UGT1A8: variants seen among roughly 807,000 people sequenced by gnomAD.
UGT1A8 encodes UDP-glucuronosyltransferase 1A8.
A neutral mutation model predicts 45.3 loss-of-function variants in UGT1A8; 39 were observed. That is an observed-to-expected ratio of 0.86 (90% CI 0.67 to 1.12). UGT1A8 has a LOEUF of 1.12. UGT1A8 is among the 50% of genes most tolerant of loss of function. The pLI is 0.00. For missense variants in UGT1A8, 719 were observed against 664.9 expected, an observed-to-expected ratio of 1.08 and a Z score of -0.90; for synonymous variants, 275 against 249.2, an observed-to-expected ratio of 1.10 and a Z score of -0.97.
At chr2:233,691,738 A>C in intron 1 of UGT1A8, 2 of 700,940 alleles carry the variant, frequency 2.9e-6, no homozygotes, top group Non-Finnish European at 3.5e-6. Context: ...CCAGAAGCAG[A>C]TACCAGGCTT....
intron 1 of UGT1A8, among the ~76,000 whole-genome samples, chr2:233,734,879 CAGTT>C (rs1435181219): frequency 6.6e-6 from 1 of 152,150 alleles, no homozygotes; most frequent in Non-Finnish European, 1.5e-5. Flanking sequence ...GTCTGAGAGA[CAGTT>C]TGTTGTGATT....
Position 233,671,106 on chromosome 2 carries a change from G to A in UGT1A8, c.855+52544G>A, listed in dbSNP as rs1235781597. ...AGTTGACATCACCTCTGACCTCAAG[G>A]AGTGCTCAGCAGACTGAGAGAGACA... On this transcript the variant is annotated intron_variant, in intron 1 of 4. Coordinates refer to ENST00000373450, the MANE Select transcript of UGT1A8 (RefSeq NM_019076.5). Among the ~76,000 whole-genome samples the A allele has an allele frequency of 3.3e-5, 5 of 152,186 alleles. No homozygotes were observed. In the East Asian group the frequency reaches 9.6e-4, roughly 29 times the overall value.
At chr2:233,739,813 T>G (rs1439144869) in intron 1 of UGT1A8, among the ~76,000 whole-genome samples, 1 of 151,900 alleles carries the variant, frequency 6.6e-6, no homozygotes, top group Non-Finnish European at 1.5e-5. Context: ...GCATGATTGG[T>G]TTTTAAATGT....
rs763446839 is a variant in UGT1A8 at position 233,618,319 on chromosome 2, G to A, written c.612G>A (p.Lys204=). 6.2e-7 allele frequency: 1 copy of A among 1,613,912 alleles called. No homozygotes were observed. The highest frequency in any genetic ancestry group is 8.5e-7 in the Non-Finnish European group (1 of 1,179,848). The change falls in exon 1 of 5, where the codon AAG becomes AAA. Residue 204 remains lysine, a synonymous_variant. Transcript: ENST00000373450. ...GGTTCTCAGATGCCATGACTTTCAA[G>A]GAGAGAGTACGGAACCACATCATGC... ...LLGFSDAMTF[K]ERVRNHIMHL... is the part of the protein sequence containing the mutation.
In UGT1A8 at chr2:233,772,332, G is replaced by A. The variant is rs1201825340; in HGVS notation, c.1366G>A (p.Val456Met). 10 of 1,614,084 alleles carry A rather than the reference G, an allele frequency of 6.2e-6. No individual in the cohort carries two copies. Among genetic ancestry groups the A allele is most frequent in the East Asian group, 2.2e-5 (1 of 44,892 alleles). ...DRPVEPLDLAVFWVEFVMRHK... is the reference protein window; with the variant it reads ...DRPVEPLDLAMFWVEFVMRHK... ...CCCGGTGGAGCCGCTGGACCTGGCC[G>A]TGTTCTGGGTGGAGTTTGTGATGAG... The change falls in exon 5 of 5, where the codon GTG becomes ATG. Residue 456 changes from valine (V) to methionine (M), a missense_variant. Physicochemically the swap from Val to Met is conservative, Grantham distance 21 (BLOSUM62 1). Transcript: ENST00000373450.
intron 1 of UGT1A8, among the ~76,000 whole-genome samples, chr2:233,622,769 G>A (rs2073031894): frequency 6.6e-6 from 1 of 152,154 alleles, no homozygotes; most frequent in Non-Finnish European, 1.5e-5. Context: ...TGTTGCCATT[G>A]CTTTTGGTGT....
chr2:233,635,323 G>T (rs928147940), intron 1 of UGT1A8, among the ~76,000 whole-genome samples: 3 of 150,686 alleles, frequency 2.0e-5, no homozygotes, highest in Non-Finnish European at 4.4e-5. Context: ...TGTTCTCTGT[G>T]TTTCCTGAAT....
intron 1 of UGT1A8, among the ~76,000 whole-genome samples, chr2:233,619,732 C>T (rs186160860): frequency 7.2e-5 from 11 of 152,074 alleles, no homozygotes; most frequent in African/African-American, 2.2e-4. Flanking sequence ...TTGGTTTTTG[C>T]GTATGTATCT....
At chr2:233,671,066 A>T (rs1445904551) in intron 1 of UGT1A8, among the ~76,000 whole-genome samples, 2 of 152,198 alleles carry the variant, frequency 1.3e-5, no homozygotes, top group African/African-American at 4.8e-5. Flanking sequence ...CTGTGAAAGG[A>T]GGGTGAAAAC....
chr2:233,726,468 A>G (rs2077534050), intron 1 of UGT1A8, among the ~76,000 whole-genome samples: 1 of 152,184 alleles, frequency 6.6e-6, no homozygotes, highest in Non-Finnish European at 1.5e-5. Flanking sequence ...TCATTTCTTT[A>G]ACAGAAATTT....
At chr2:233,703,675 A>T (rs2075747379) in intron 1 of UGT1A8, among the ~76,000 whole-genome samples, 1 of 152,106 alleles carries the variant, frequency 6.6e-6, no homozygotes, top group Admixed American at 6.5e-5. Flanking sequence ...GTTTCATGAT[A>T]TATTTTTTTT....
intron 1 of UGT1A8, among the ~76,000 whole-genome samples, chr2:233,641,595 C>T (rs948213504): frequency 2.6e-5 from 4 of 152,168 alleles, no homozygotes; most frequent in Non-Finnish European, 4.4e-5. Context: ...CTTACTATTA[C>T]CAGTGAGTTT....
At position 233,719,037 on chromosome 2, in the gene UGT1A8, A is replaced by G. The variant is rs1297848565; in HGVS notation, c.856-47997A>G. ...GGTGAATATGCACATCAAAGAAGAGAAATTTTTCACCCTGACAGCCTATGC... is the reference window on the plus strand; with the variant it reads ...GGTGAATATGCACATCAAAGAAGAGGAATTTTTCACCCTGACAGCCTATGC... On this transcript the variant is annotated intron_variant, in intron 1 of 4. Coordinates refer to ENST00000373450, the MANE Select transcript of UGT1A8 (RefSeq NM_019076.5). The G allele has an allele frequency of 1.1e-5, 18 of 1,614,238 alleles. No individual in the cohort carries two copies. The South Asian group carries it at 2.0e-4, about 18-fold the overall frequency.
At chr2:233,646,897 C>A (rs749320705) in intron 1 of UGT1A8, among the ~76,000 whole-genome samples, 6 of 152,124 alleles carry the variant, frequency 3.9e-5, no homozygotes, top group East Asian at 1.9e-4. Flanking sequence ...CTACTGGTAC[C>A]AATTGACTGT....
intron 1 of UGT1A8, among the ~76,000 whole-genome samples, chr2:233,659,970 G>A (rs1455673874): frequency 2.6e-5 from 4 of 152,128 alleles, no homozygotes; most frequent in Admixed American, 2.6e-4. Context: ...CTCAGGTGTG[G>A]TGTCTATTAG....
chr2:233,702,667 T>C (rs1575474362), intron 1 of UGT1A8, among the ~76,000 whole-genome samples: 2 of 152,194 alleles, frequency 1.3e-5, no homozygotes, highest in South Asian at 4.1e-4. Context: ...AGTATTCTTA[T>C]CATACCTGAG....
At chr2:233,695,130 C>CTTTCTTTTT (rs1364557158) in intron 1 of UGT1A8, among the ~76,000 whole-genome samples, 39,526 of 138,334 alleles carry the variant, frequency 0.29, 6,081 homozygotes, top group South Asian at 0.37. Context: ...CTTTTCTTTT[C>CTTTCTTTTT]TTTTTTTTTT....
At chr2:233,744,492 G>A (rs1241222424) in intron 1 of UGT1A8, among the ~76,000 whole-genome samples, 2 of 152,034 alleles carry the variant, frequency 1.3e-5, no homozygotes, top group Admixed American at 1.3e-4. Flanking sequence ...GGGCAATTTA[G>A]TAAGAATAAA....
At chr2:233,768,588 T>C in intron 4 of UGT1A8, 149 bp downstream of exon 4, 52 of 996,612 alleles carry the variant, frequency 5.2e-5, no homozygotes, top group East Asian at 5.1e-4. Flanking sequence ...TCTTCTTTTT[T>C]TTTTTTTTTT....
Sources: allele counts gnomAD v4.1 joint callset (sites outside exome capture counted in the v4.1 genomes callset), GRCh38; gene constraint gnomAD v4.1.1; transcripts MANE v1.5; gene names NCBI Gene and HGNC (gene_info 2026-07-23, HGNC 2026-07-21).